NELFB: variants seen among roughly 807,000 people sequenced by gnomAD.
NELFB encodes the protein negative elongation factor B.
A neutral mutation model predicts 60.2 loss-of-function variants in NELFB; 34 were observed. The ratio of observed to expected loss-of-function variants is 0.56; its 90% CI spans 0.43 to 0.75. NELFB has a LOEUF of 0.75. Ranked by LOEUF, NELFB falls within the 30% of genes least tolerant of loss-of-function variation. The probability of loss-of-function intolerance (pLI) is 0.00; values close to 1 mark genes in which losing one functional copy is unlikely to be tolerated. For synonymous variants in NELFB, 459 were observed against 382.1 expected (o/e 1.20, Z -2.35); for missense variants, 770 against 831.6 (o/e 0.93, Z 0.91).
intron 4 of NELFB, among the ~76,000 whole-genome samples, chr9:137,260,494 C>T (rs1830424110): frequency 7.2e-6 from 1 of 139,704 alleles, no homozygotes; most frequent in South Asian, 2.2e-4. Context: ...CTTCTGTTGC[C>T]CAGGCTGGAG....
Position 137,268,685 on chromosome 9 carries a change from TC to T in NELFB, c.1489+1342del, listed in dbSNP as rs1219419868. The stretch of plus-strand genomic sequence containing the variant: ...CTGGCTGGGGCTTTTTGCTGTGTCA[TC>T]CCATGGTGGAAGGCAGAGGGCAAGA... On this transcript the variant is annotated intron_variant, in intron 10 of 12. Coordinates refer to ENST00000343053, the MANE Select transcript of NELFB (RefSeq NM_015456.5). Among the ~76,000 whole-genome samples, 9 of 151,900 alleles carry T rather than the reference TC, an allele frequency of 5.9e-5. No individual in the cohort carries two copies. In the East Asian group the frequency reaches 1.7e-3, roughly 29 times the overall value.
intron 10 of NELFB, 84 bp downstream of exon 10, chr9:137,267,430 G>GC: frequency 8.4e-7 from 1 of 1,188,600 alleles, no homozygotes; most frequent in Non-Finnish European, 1.2e-6. Context: ...GGGCCCCAGG[G>GC]CCCCCAGGAG....
At chr9:137,265,804 C>T in intron 6 of NELFB, 73 bp from the exon 7 acceptor site, 1 of 989,520 alleles carries the variant, frequency 1.0e-6, no homozygotes, top group African/African-American at 1.6e-5. Context: ...CCTAGGCCAC[C>T]CCTCCTGAGG....
Position 137,265,910 on chromosome 9 carries a change from C to G in NELFB, c.1074C>G (p.Ala358=), listed in dbSNP as rs369029818. ...CCATGATCCTGTGTGACCCCTTCGCCATCAACACGCTGGCACTGAGCACAG... is the reference window on the plus strand; with the variant it reads ...CCATGATCCTGTGTGACCCCTTCGCGATCAACACGCTGGCACTGAGCACAG... The change falls in exon 7 of 13, where the codon GCC becomes GCG. Residue 358 remains alanine (A), a synonymous_variant. Coordinates refer to ENST00000343053, the MANE Select transcript of NELFB (RefSeq NM_015456.5). 15 of 1,613,208 alleles carry G rather than the reference C, an allele frequency of 9.3e-6. No individual in the cohort carries two copies. The highest frequency in any genetic ancestry group is 8.9e-5 in the East Asian group (4 of 44,886).
chr9:137,273,164 A>G lies in NELFB; in HGVS notation c.*236A>G. On this transcript the variant is annotated 3_prime_UTR_variant, in exon 13 of 13. Transcript: ENST00000343053. ...CCTCTCCTTGTACTTTGGCAGCCAT[A>G]GAAAGCGTGCTCATTTTCTGTTTTC... 4.8e-6 allele frequency: 2 copies of G among 420,438 alleles called. No homozygotes were observed. The highest frequency in any genetic ancestry group is 8.4e-6 in the Non-Finnish European group (2 of 238,434). 26.0% of individuals were successfully genotyped at this position (420,438 alleles called of 1,614,324 possible).
In NELFB at chr9:137,255,364, A is replaced by G; in HGVS notation, c.-2A>G. 2.1e-6 allele frequency: 1 copy of G among 485,600 alleles called. No homozygotes were observed. Among genetic ancestry groups the G allele is most frequent in the African/African-American group, 2.0e-5 (1 of 48,912 alleles). 30.1% of individuals were successfully genotyped at this position (485,600 alleles called of 1,614,324 possible). A position where few individuals can be genotyped will look rare whatever the true frequency, so the allele number is the denominator to read the frequency against. ...CGCGCGGAGTCGCGCGGCGGGCGGGACCTGGCCGAGCTGGAGGGCGCCGGG... is the reference window on the plus strand; with the variant it reads ...CGCGCGGAGTCGCGCGGCGGGCGGGGCCTGGCCGAGCTGGAGGGCGCCGGG... On this transcript the variant is annotated 5_prime_UTR_variant, in exon 1 of 13. Coordinates refer to ENST00000343053, the MANE Select transcript of NELFB (RefSeq NM_015456.5).
chr9:137,257,158 G>A (rs553869319), intron 4 of NELFB, 104 bp downstream of exon 4: 22 of 992,616 alleles, frequency 2.2e-5, no homozygotes, highest in South Asian at 7.8e-5. Context: ...GTGAATGATC[G>A]GGTGGTTCTG....
chr9:137,259,734 A>T (rs895180781), intron 4 of NELFB, among the ~76,000 whole-genome samples: 6 of 147,916 alleles, frequency 4.1e-5, no homozygotes, highest in African/African-American at 7.4e-5. Context: ...TTATTTATTT[A>T]TTTTTTTGGA....
chr9:137,264,299 G>A lies in NELFB; in HGVS notation c.982G>A (p.Ala328Thr), dbSNP rs1830492548. The A allele has an allele frequency of 1.1e-5, 17 of 1,605,178 alleles. No homozygotes were observed. Among genetic ancestry groups the A allele is most frequent in the Non-Finnish European group, 1.4e-5 (17 of 1,177,034 alleles). Residue 328 changes from alanine to threonine, a missense_variant, in exon 6 of 13, where the codon GCG becomes ACG. Transcript: ENST00000343053. ...AGAGCGGTTCGTGGACAGCAAGAGG[G>A]CGCGGGAGCTGCAGGGGTTTCTCGA...
At chr9:137,270,900 C>CA (rs1830576612) in intron 10 of NELFB, among the ~76,000 whole-genome samples, 1 of 152,250 alleles carries the variant, frequency 6.6e-6, no homozygotes, top group African/African-American at 2.4e-5. Context: ...GCCTGGCTAA[C>CA]AGAGTGAGAC....
At chr9:137,272,686 C>T (rs1830598534) in intron 12 of NELFB, 71 bp downstream of exon 12, 1 of 1,531,584 alleles carries the variant, frequency 6.5e-7, no homozygotes, top group Non-Finnish European at 8.8e-7. Context: ...GCCAAGCTGC[C>T]CTTGTGGTGC....
Position 137,272,942 on chromosome 9 carries a change from C to T in NELFB, c.*14C>T, listed in dbSNP as rs1391194733. Reference sequence around the variant, plus strand: ...GCCCCGCTCTGAGGGCCCTCCAGACCTGCTCGGGTGCTGGGGCCATGCCGA... The same window carrying T: ...GCCCCGCTCTGAGGGCCCTCCAGACTTGCTCGGGTGCTGGGGCCATGCCGA... On this transcript the variant is annotated 3_prime_UTR_variant, in exon 13 of 13. Transcript: ENST00000343053. 6 of 1,500,330 alleles carry T rather than the reference C, an allele frequency of 4.0e-6. No homozygotes were observed. The South Asian group carries it at 6.4e-5, about 16-fold the overall frequency. The allele number at this position is 1,500,330 out of a possible 1,614,324, so 92.9% of individuals were successfully genotyped here. A position where few individuals can be genotyped will look rare whatever the true frequency, so the allele number is the denominator to read the frequency against.
In NELFB at chr9:137,267,179, T is replaced by TGTGGGGCTGAG. The variant is rs33923321; in HGVS notation, c.1383-28_1383-18dup. ...TGCCTCAGGGCTGGGCAGGGGTCGGTGTGGGGCTGAGGTGGGGCTGAGGTG... is the reference window on the plus strand; with the variant it reads ...TGCCTCAGGGCTGGGCAGGGGTCGGTGTGGGGCTGAGGTGGGGCTGAGGTGGGGCTGAGGTG... On this transcript the variant is annotated intron_variant, in intron 9 of 12. Transcript: ENST00000343053. The TGTGGGGCTGAG allele has an allele frequency of 3.4e-5, 48 of 1,423,734 alleles. No individual in the cohort carries two copies. The African/African-American group carries it at 4.8e-4, about 14-fold the overall frequency. 88.2% of individuals were successfully genotyped at this position (1,423,734 alleles called of 1,614,324 possible).
Position 137,267,040 on chromosome 9 carries a change from A to G in NELFB, c.1336A>G (p.Lys446Glu). ...GGATCAGAAACTTCCGGCTGAGGAG[A>G]AAGCCCCAGTCTCATATCCAAACAC... is the stretch of plus-strand genomic sequence containing the variant. The change falls in exon 9 of 13, where the codon AAA becomes GAA. Residue 446 changes from lysine (K) to glutamate (E), a missense_variant. Transcript: ENST00000343053. 1 of 1,614,074 alleles carries G rather than the reference A, an allele frequency of 6.2e-7. No homozygotes were observed. Among genetic ancestry groups the G allele is most frequent in the Non-Finnish European group, 8.5e-7 (1 of 1,179,998 alleles).
At chr9:137,257,085 C>T in intron 4 of NELFB, 31 bp downstream of exon 4, 4 of 1,587,612 alleles carry the variant, frequency 2.5e-6, no homozygotes, top group Non-Finnish European at 3.4e-6. Flanking sequence ...CGGGGTGGGG[C>T]ACCTCTTGGG....
chr9:137,267,312 C>T lies in NELFB; in HGVS notation c.1455C>T (p.Asn485=), dbSNP rs1564444968. 1 of 1,613,356 alleles carries T rather than the reference C, an allele frequency of 6.2e-7. No homozygotes were observed. Among genetic ancestry groups the T allele is most frequent in the Admixed American group, 1.7e-5 (1 of 59,980 alleles). The change falls in exon 10 of 13, where the codon AAC becomes AAT. Residue 485 remains asparagine (N), a synonymous_variant. Coordinates refer to ENST00000343053, the MANE Select transcript of NELFB (RefSeq NM_015456.5). Reference sequence around the variant, plus strand: ...TCCTGCACATCACCAAGCAGAGGAACAAGAACGCGCTCCTCCGCCTGCTGC... The same window carrying T: ...TCCTGCACATCACCAAGCAGAGGAATAAGAACGCGCTCCTCCGCCTGCTGC...
chr9:137,267,472 T>C, intron 10 of NELFB, 126 bp downstream of exon 10: 1 of 683,264 alleles, frequency 1.5e-6, no homozygotes. Flanking sequence ...CCTCCAACTT[T>C]GCTAGCTTTG....
chr9:137,262,923 A>G (rs2118980803), intron 4 of NELFB, 114 bp from the exon 5 acceptor site: 2 of 1,143,712 alleles, frequency 1.7e-6, no homozygotes, highest in East Asian at 2.5e-5. Flanking sequence ...TTTCTGCCAA[A>G]AAGTAGGAAG....
In NELFB at chr9:137,255,844, C is replaced by T. The variant is rs1032368452; in HGVS notation, c.247-63C>T. ...ACCTGGGTGCGTGCCTCCCTGTGCT[C>T]TCAGGACCTCGGGGTGCCCGGGCGC... On this transcript the variant is annotated intron_variant, in intron 1 of 12. Transcript: ENST00000343053. 6 of 1,590,200 alleles carry T rather than the reference C, an allele frequency of 3.8e-6. No individual in the cohort carries two copies. In the African/African-American group the frequency reaches 6.7e-5, roughly 18 times the overall value.
Sources: gnomAD v4.1 joint callset for allele counts (sites outside exome capture counted in the v4.1 genomes callset) on GRCh38, gnomAD v4.1.1 for gene constraint, MANE v1.5 for transcripts, NCBI Gene and HGNC (gene_info 2026-07-23, HGNC 2026-07-21) for gene names.